RPS19: variants seen among roughly 807,000 people sequenced by gnomAD.
RPS19 encodes small ribosomal subunit protein eS19.
Under a neutral mutation model 20.3 loss-of-function variants are expected in RPS19, and 1 was observed. The ratio of observed to expected loss-of-function variants is 0.05; its 90% CI spans 0.02 to 0.23. RPS19 has a LOEUF of 0.23. RPS19 is among the 10% of genes least tolerant of loss of function. The pLI, the probability that RPS19 is intolerant of heterozygous loss-of-function variation, is 1.00. For synonymous variants in RPS19, 87 were observed against 74.8 expected, an observed-to-expected ratio of 1.16 and a Z score of -0.84; for missense variants, 111 against 192.7, an observed-to-expected ratio of 0.58 and a Z score of 2.51.
At chr19:41,864,302 A>G (rs2074062717) in intron 3 of RPS19, 1 of 152,352 alleles carries the variant, frequency 6.6e-6, no homozygotes, top group Admixed American at 6.5e-5. Flanking sequence ...TGGCTCCTGC[A>G]TGGGGCTGGG....
At chr19:41,865,736 CAA>C (rs1232839062) in intron 3 of RPS19, among the ~76,000 whole-genome samples, 3 of 151,146 alleles carry the variant, frequency 2.0e-5, no homozygotes, top group African/African-American at 7.3e-5. Flanking sequence ...ATCATGAGGT[CAA>C]GAGATCGAGA....
intron 3 of RPS19, chr19:41,863,952 C>T (rs2074059369): frequency 1.3e-5 from 2 of 151,326 alleles, no homozygotes; most frequent in Admixed American, 1.3e-4. Flanking sequence ...AAGCAATTCT[C>T]CTACCTCAGC....
In RPS19 at chr19:41,869,066, G is replaced by A. The variant is rs782368794; in HGVS notation, c.208G>A (p.Ala70Thr). Residue 70 changes from alanine to threonine, a missense_variant, in exon 4 of 6, where the codon GCT (alanine) becomes ACT (threonine). Coordinates refer to ENST00000598742, the MANE Select transcript of RPS19 (RefSeq NM_001022.4). ...GCGGCACCTGTACCTCCGGGGTGGC[G>A]CTGGGGTTGGCTCCATGACCAAGAT... ...TARHLYLRGG[A>T]GVGSMTKIYG... 2.2e-5 allele frequency: 36 copies of A among 1,613,578 alleles called. No homozygotes were observed. Among genetic ancestry groups the A allele is most frequent in the Admixed American group, 1.3e-4 (8 of 59,996 alleles).
At chr19:41,865,084 AG>A (rs1249910077) in intron 3 of RPS19, among the ~76,000 whole-genome samples, 38 of 152,340 alleles carry the variant, frequency 2.5e-4, no homozygotes, top group Admixed American at 7.2e-4. Flanking sequence ...TACAGCCTTA[AG>A]AAAAATTTAA....
intron 3 of RPS19, among the ~76,000 whole-genome samples, chr19:41,867,902 C>G (rs782555321): frequency 6.6e-6 from 1 of 152,088 alleles, no homozygotes; most frequent in African/African-American, 2.4e-5. Flanking sequence ...TTTGATCCAC[C>G]CTTGGTTGAG....
At chr19:41,860,749 T>G (rs547529787) in intron 1 of RPS19, 26 bp from the exon 2 acceptor site, 1 of 1,586,596 alleles carries the variant, frequency 6.3e-7, no homozygotes, top group African/African-American at 1.3e-5. Flanking sequence ...CAGGCCTGTG[T>G]TCACATGCTT....
chr19:41,866,725 C>T (rs915612027), intron 3 of RPS19, among the ~76,000 whole-genome samples: 4 of 152,080 alleles, frequency 2.6e-5, no homozygotes, highest in South Asian at 2.1e-4. Flanking sequence ...GGTGTAATAT[C>T]GGGGCCAGGG....
chr19:41,870,833 C>T (rs1310060165), intron 5 of RPS19, among the ~76,000 whole-genome samples: 1 of 147,212 alleles, frequency 6.8e-6, no homozygotes, highest in Non-Finnish European at 1.5e-5. Flanking sequence ...TTGGACTCCA[C>T]TCCGCCACTC....
At chr19:41,862,154 G>A (rs922292567) in intron 3 of RPS19, among the ~76,000 whole-genome samples, 19 of 152,142 alleles carry the variant, frequency 1.2e-4, no homozygotes, top group African/African-American at 4.1e-4. Flanking sequence ...TTGGAAATCG[G>A]CAAAACTCCT....
intron 3 of RPS19, among the ~76,000 whole-genome samples, chr19:41,865,949 T>TAA (rs35155067): frequency 0.01 from 752 of 74,416 alleles, 12 homozygotes; most frequent in Middle Eastern, 0.016. Flanking sequence ...ACTCCGTCTT[T>TAA]AAAAAAAAAA....
chr19:41,869,151 G>A lies in RPS19; in HGVS notation c.293G>A (p.Ser98Asn), dbSNP rs1555841355. The change falls in exon 4 of 6, where the codon AGT (serine) becomes AAT (asparagine). Residue 98 changes from serine (S) to asparagine (N), a missense_variant. Transcript: ENST00000598742. The stretch of plus-strand genomic sequence containing the variant: ...AGCCACTTCAGCCGAGGCTCCAAGA[G>A]TGTGGCCCGCCGGGTCCTCCAAGCC... Reference protein sequence around the residue: ...MPSHFSRGSKSVARRVLQALE... With the variant: ...MPSHFSRGSKNVARRVLQALE... 6.2e-7 allele frequency: 1 copy of A among 1,614,024 alleles called. No individual in the cohort carries two copies. The highest frequency in any genetic ancestry group is 1.1e-5 in the South Asian group (1 of 91,084).
Sources: allele counts gnomAD v4.1 joint callset (sites outside exome capture counted in the v4.1 genomes callset), GRCh38; gene constraint gnomAD v4.1.1; transcripts MANE v1.5; gene names NCBI Gene and HGNC (gene_info 2026-07-23, HGNC 2026-07-21).